The following PARD3B variants were observed in gnomAD, a reference collection of about 807,000 sequenced individuals.
PARD3B encodes the protein partitioning defective 3 homolog B.
In PARD3B, 103 loss-of-function variants were observed where a neutral mutation model predicts 130.2. The ratio of observed to expected loss-of-function variants is 0.79; its 90% confidence interval spans 0.67 to 0.93. The LOEUF is 0.93. PARD3B is among the 40% of genes least tolerant of loss of function. The pLI is 0.00. For synonymous variants in PARD3B, 583 were observed against 553.2 expected (o/e 1.05, Z -0.76); for missense variants, 1,609 against 1,499.2 (o/e 1.07, Z -1.21).
intron 15 of PARD3B, among the ~76,000 whole-genome samples, chr2:205,214,527 G>A (rs2037814533): frequency 6.6e-6 from 1 of 151,214 alleles, no homozygotes; most frequent in Admixed American, 6.6e-5. Context: ...GAAGACAATT[G>A]ACTCAAAATA....
chr2:205,297,440 A>G (rs900869730), intron 16 of PARD3B, among the ~76,000 whole-genome samples: 9 of 152,198 alleles, frequency 5.9e-5, no homozygotes, highest in East Asian at 1.9e-4. Flanking sequence ...ACTCCACACA[A>G]TCTTTACAGG....
intron 20 of PARD3B, among the ~76,000 whole-genome samples, chr2:205,498,227 C>G (rs10178345): frequency 1.4e-5 from 2 of 145,600 alleles, no homozygotes. Flanking sequence ...ACAGGCCAGG[C>G]GTGGTGGCTC....
chr2:204,903,568 G>A (rs989715368), intron 2 of PARD3B, among the ~76,000 whole-genome samples: 5 of 152,056 alleles, frequency 3.3e-5, no homozygotes, highest in African/African-American at 1.2e-4. Context: ...ATACTTACAT[G>A]TTGCAAGAGA....
Position 205,124,326 on chromosome 2 carries a change from G to A in PARD3B, c.1166-1G>A, listed in dbSNP as rs1177555022. 1.3e-6 allele frequency: 2 copies of A among 1,542,400 alleles called. No homozygotes were observed. The highest frequency in any genetic ancestry group is 1.9e-5 in the Admixed American group (1 of 53,526). ...TACATTTTCCTGTTCTTATACACTA[G>A]GCCCTGAAGGACTTGGTTTCACTGT... is the stretch of plus-strand genomic sequence containing the variant. On this transcript the variant is annotated splice_acceptor_variant, in intron 8 of 22. Transcript: ENST00000406610. LOFTEE classifies it high-confidence loss of function.
chr2:204,567,126 C>T (rs1187104956), intron 1 of PARD3B, among the ~76,000 whole-genome samples: 3 of 152,150 alleles, frequency 2.0e-5, no homozygotes, highest in African/African-American at 2.4e-5. Context: ...TGATCTGCAA[C>T]CCCTTAGCCT....
intron 2 of PARD3B, among the ~76,000 whole-genome samples, chr2:204,788,693 G>C (rs2042095713): frequency 2.6e-5 from 4 of 152,040 alleles, no homozygotes; most frequent in Admixed American, 2.6e-4. Flanking sequence ...TAAAGGTACT[G>C]GGCACTGGAT....
At chr2:205,601,949 G>T (rs1223734952) in intron 22 of PARD3B, among the ~76,000 whole-genome samples, 1 of 152,148 alleles carries the variant, frequency 6.6e-6, no homozygotes, top group East Asian at 1.9e-4. Flanking sequence ...TCCTTGTCTT[G>T]TGCCAGTTTT....
chr2:204,765,016 A>G (rs965849897), intron 2 of PARD3B, among the ~76,000 whole-genome samples: 3 of 152,206 alleles, frequency 2.0e-5, no homozygotes, highest in African/African-American at 7.2e-5. Flanking sequence ...CATCTGGATC[A>G]TTTAACTCTT....
intron 2 of PARD3B, among the ~76,000 whole-genome samples, chr2:204,888,730 CAAAA>C (rs11315348): frequency 2.5e-5 from 2 of 81,378 alleles, no homozygotes; most frequent in African/African-American, 3.8e-5. Flanking sequence ...GACCCTGTCT[CAAAA>C]AAAAAAAAAA....
chr2:205,129,385 G>A (rs908965592), intron 10 of PARD3B, among the ~76,000 whole-genome samples: 1 of 152,240 alleles, frequency 6.6e-6, no homozygotes, highest in African/African-American at 2.4e-5. Flanking sequence ...TTACTTCATA[G>A]TGTGGCATAC....
intron 2 of PARD3B, among the ~76,000 whole-genome samples, chr2:204,808,845 C>G (rs1394175348): frequency 6.6e-6 from 1 of 152,108 alleles, no homozygotes; most frequent in Non-Finnish European, 1.5e-5. Flanking sequence ...TGAGTATATA[C>G]CCAGTAATGG....
rs986771180 is a variant in PARD3B at position 205,258,615 on chromosome 2, A to G, written c.2185+12793A>G. ...ACTTTGTATCCCCAGTTCCAAAAGC[A>G]GTGTGTGGCACACGGCAGGCATCCT... On this transcript the variant is annotated intron_variant, in intron 16 of 22. Coordinates refer to ENST00000406610, the MANE Select transcript of PARD3B (RefSeq NM_001302769.2). The surrounding 1 kb of genome is among the most constrained non-coding windows in gnomAD (Gnocchi z 4.9). 6.6e-6 allele frequency among the ~76,000 whole-genome samples: 1 copy of G among 152,188 alleles called. No individual in the cohort carries two copies. The highest frequency in any genetic ancestry group is 1.5e-5 in the Non-Finnish European group (1 of 68,032).
chr2:205,562,242 C>T lies in PARD3B; in HGVS notation c.3260+8839C>T, dbSNP rs2053165501. Among the ~76,000 whole-genome samples the T allele has an allele frequency of 6.6e-6, 1 of 152,082 alleles. No homozygotes were observed. Among genetic ancestry groups the T allele is most frequent in the Non-Finnish European group, 1.5e-5 (1 of 68,026 alleles). Reference sequence around the variant, plus strand: ...CCTCGTAGCCAATATATCCTTGATGCCAGTTAGAATATTTGATATTAATTA... The same window carrying T: ...CCTCGTAGCCAATATATCCTTGATGTCAGTTAGAATATTTGATATTAATTA... On this transcript the variant is annotated intron_variant, in intron 22 of 22. Transcript: ENST00000406610. This position sits in a 1 kb window ranked among gnomAD's most constrained non-coding sequence, Gnocchi z 5.4.
At chr2:204,570,508 A>G (rs368532940) in intron 1 of PARD3B, among the ~76,000 whole-genome samples, 1 of 152,186 alleles carries the variant, frequency 6.6e-6, no homozygotes. Flanking sequence ...CAGGTAGCTG[A>G]GAATATTGTG....
chr2:205,265,316 C>T lies in PARD3B; in HGVS notation c.2185+19494C>T, dbSNP rs111979228. On this transcript the variant is annotated intron_variant, in intron 16 of 22. Transcript: ENST00000406610. This position sits in a 1 kb window ranked among gnomAD's most constrained non-coding sequence, Gnocchi z 4.3. ...TGGGGTGATACATGGAATCGATGCA[C>T]TTTCAAGTTGGCGGATCTGATCATC... is the stretch of plus-strand genomic sequence containing the variant. Among the ~76,000 whole-genome samples the T allele has an allele frequency of 9.3e-3, 1,418 of 152,092 alleles. 18 individuals are homozygous for T. Among genetic ancestry groups the T allele is most frequent in the African/African-American group, 0.017 (721 of 41,538 alleles).
intron 18 of PARD3B, among the ~76,000 whole-genome samples, chr2:205,329,543 TG>T (rs1377763444): frequency 2.0e-5 from 3 of 152,214 alleles, no homozygotes; most frequent in Admixed American, 6.5e-5. Flanking sequence ...TTTGTCCATC[TG>T]GGTTATGACT....
intron 3 of PARD3B, among the ~76,000 whole-genome samples, chr2:204,999,039 C>T (rs771110621): frequency 4.0e-5 from 6 of 151,364 alleles, no homozygotes; most frequent in Non-Finnish European, 5.9e-5. Context: ...AGAGTAATCT[C>T]AAACTGGCAA....
At chr2:205,611,499 T>C (rs2055228756) in intron 22 of PARD3B, among the ~76,000 whole-genome samples, 1 of 152,246 alleles carries the variant, frequency 6.6e-6, no homozygotes, top group South Asian at 2.1e-4. Context: ...GCTTATTGCT[T>C]CTTTACATGT....
At chr2:204,959,218 A>G (rs987109346) in intron 2 of PARD3B, among the ~76,000 whole-genome samples, 3 of 152,182 alleles carry the variant, frequency 2.0e-5, no homozygotes, top group Non-Finnish European at 2.9e-5. Flanking sequence ...TATGAGTGAG[A>G]ACATGCGGTG....
Sources: gnomAD v4.1 joint callset for allele counts (sites outside exome capture counted in the v4.1 genomes callset) on GRCh38, gnomAD v4.1.1 for gene constraint, Gnocchi (gnomAD v3.1) non-coding constraint, MANE v1.5 for transcripts, NCBI Gene and HGNC (gene_info 2026-07-23, HGNC 2026-07-21) for gene names.